The following DNAAF9 variants were observed in gnomAD, a reference collection of about 807,000 sequenced individuals.
The protein encoded by DNAAF9 is shulin.
A neutral mutation model predicts 167.0 loss-of-function variants in DNAAF9; 90 were observed. The ratio of observed to expected loss-of-function variants is 0.54; its 90% CI spans 0.45 to 0.64. The LOEUF is 0.64. Among genes scored for constraint, DNAAF9 ranks in the 30% least tolerant of loss-of-function variants. The probability of loss-of-function intolerance (pLI) is 0.00; values close to 1 mark genes in which losing one functional copy is unlikely to be tolerated. For synonymous variants in DNAAF9, 491 were observed against 508.8 expected, an observed-to-expected ratio of 0.96 and a Z score of 0.47; for missense variants, 1,315 against 1,442.2, an observed-to-expected ratio of 0.91 and a Z score of 1.43.
chr20:3,340,435 C>CA, intron 10 of DNAAF9, 69 bp downstream of exon 10: 4 of 212,120 alleles, frequency 1.9e-5, no homozygotes, highest in South Asian at 1.3e-4. Context: ...TGTCTAGCTC[C>CA]CCCCACCCAC....
At chr20:3,301,369 G>T (rs1402606866) in intron 21 of DNAAF9, among the ~76,000 whole-genome samples, 1 of 152,034 alleles carries the variant, frequency 6.6e-6, no homozygotes, top group Non-Finnish European at 1.5e-5. Flanking sequence ...TGTATTTTTA[G>T]TAGAGACGGC....
rs1568556156 is a variant in DNAAF9, at chr20:3,251,583, G to A, written c.*989C>T. 6.6e-6 allele frequency: 1 copy of A among 152,252 alleles called. No homozygotes were observed. Among genetic ancestry groups the A allele is most frequent in the Non-Finnish European group, 1.5e-5 (1 of 68,076 alleles). 9.4% of individuals were successfully genotyped at this position (152,252 alleles called of 1,614,324 possible). ...ATTATTTGAAATTCCCAATCCTCAG[G>A]AGCCACACAAGCCCAGGGCCAGCAA... On this transcript the variant is annotated 3_prime_UTR_variant, in exon 37 of 37. Coordinates refer to ENST00000252032, the MANE Select transcript of DNAAF9 (RefSeq NM_001009984.3).
intron 1 of DNAAF9, among the ~76,000 whole-genome samples, chr20:3,385,433 T>G (rs2083719267): frequency 6.6e-6 from 1 of 152,154 alleles, no homozygotes; most frequent in Non-Finnish European, 1.5e-5. Flanking sequence ...AATTTTTTTT[T>G]TAGACACAGG....
chr20:3,348,035 A>G (rs1393977712), intron 8 of DNAAF9, among the ~76,000 whole-genome samples: 1 of 152,212 alleles, frequency 6.6e-6, no homozygotes, highest in African/African-American at 2.4e-5. Flanking sequence ...TGAGTGCCCA[A>G]GAAGGCTAGA....
intron 1 of DNAAF9, among the ~76,000 whole-genome samples, chr20:3,395,278 TTC>T (rs1033342523): frequency 1.1e-4 from 17 of 150,070 alleles, no homozygotes; most frequent in South Asian, 4.2e-4. Flanking sequence ...GCCGAACATT[TTC>T]TTTTTTCTTT....
At chr20:3,345,748 C>A (rs754963053) in intron 8 of DNAAF9, among the ~76,000 whole-genome samples, 5 of 151,848 alleles carry the variant, frequency 3.3e-5, no homozygotes, top group Non-Finnish European at 7.4e-5. Flanking sequence ...AAGAAAAAAA[C>A]CCATTATAAA....
intron 9 of DNAAF9, among the ~76,000 whole-genome samples, chr20:3,341,961 T>C (rs992497080): frequency 6.6e-6 from 1 of 152,126 alleles, no homozygotes; most frequent in Non-Finnish European, 1.5e-5. Flanking sequence ...GTATTTTTAG[T>C]GGAGATGGGG....
intron 9 of DNAAF9, among the ~76,000 whole-genome samples, chr20:3,342,763 TG>T (rs1050942727): frequency 4.7e-4 from 71 of 152,088 alleles, no homozygotes; most frequent in Non-Finnish European, 9.6e-4. Context: ...GGATTGGAAT[TG>T]GGGGAAGAAA....
chr20:3,251,458 A>G lies in DNAAF9; in HGVS notation c.*1114T>C, dbSNP rs993106726. On this transcript the variant is annotated 3_prime_UTR_variant, in exon 37 of 37. Coordinates refer to ENST00000252032, the MANE Select transcript of DNAAF9 (RefSeq NM_001009984.3). ...TGTGACTCCCCTGTCCCCCACACCA[A>G]TTATGAAGGTCAGGCATGGGACACA... 6 of 152,336 alleles carry G rather than the reference A, an allele frequency of 3.9e-5. No homozygotes were observed. Among genetic ancestry groups the G allele is most frequent in the African/African-American group, 1.4e-4 (6 of 41,572 alleles). 9.4% of individuals were successfully genotyped at this position (152,336 alleles called of 1,614,324 possible).
At position 3,340,434 on chromosome 20, in the gene DNAAF9, C is replaced by CCCCA; in HGVS notation, c.981+69_981+70insTGGG. ...TGGAAAAGGTTCTTTTTGTCTAGCT[C>CCCCA]CCCCCACCCACCCCACCCCCACAAC... is the stretch of plus-strand genomic sequence containing the variant. On this transcript the variant is annotated intron_variant, in intron 10 of 36. Transcript: ENST00000252032. 2 of 184,748 alleles carry CCCCA rather than the reference C, an allele frequency of 1.1e-5. 1 individual carries two copies. The highest frequency in any genetic ancestry group is 2.3e-4 in the South Asian group (2 of 8,766). 11.4% of individuals were successfully genotyped at this position (184,748 alleles called of 1,614,324 possible). A position where few individuals can be genotyped will look rare whatever the true frequency, so the allele number is the denominator to read the frequency against.
chr20:3,379,360 C>T (rs904518337), intron 3 of DNAAF9, among the ~76,000 whole-genome samples: 12 of 149,912 alleles, frequency 8.0e-5, no homozygotes, highest in Admixed American at 4.0e-4. Context: ...GCCTATAATC[C>T]CAACACTGTG....
intron 14 of DNAAF9, 77 bp from the exon 15 acceptor site, chr20:3,322,773 G>T: frequency 2.0e-6 from 2 of 995,936 alleles, no homozygotes; most frequent in Non-Finnish European, 1.6e-6. Context: ...TACCTGCTTG[G>T]GATTCTCAAG....
chr20:3,387,103 T>G lies in DNAAF9; in HGVS notation c.84-4597A>C, dbSNP rs1007125599. ...AATGTTACCCAAAGCAATCTACACATTCAGTGTAATCCCTTCTCAAATCCC... is the reference window on the plus strand; with the variant it reads ...AATGTTACCCAAAGCAATCTACACAGTCAGTGTAATCCCTTCTCAAATCCC... On this transcript the variant is annotated intron_variant, in intron 1 of 36. Coordinates refer to ENST00000252032, the MANE Select transcript of DNAAF9 (RefSeq NM_001009984.3). Among the ~76,000 whole-genome samples, 13 of 152,340 alleles carry G rather than the reference T, an allele frequency of 8.5e-5. 1 individual carries two copies. The highest frequency in any genetic ancestry group is 2.9e-4 in the African/African-American group (12 of 41,578).
intron 34 of DNAAF9, among the ~76,000 whole-genome samples, chr20:3,255,617 G>A (rs962011778): frequency 6.6e-6 from 1 of 152,136 alleles, no homozygotes. Context: ...GTCAAGAACC[G>A]TTTAGAAGCT....
In DNAAF9 at chr20:3,333,593, T is replaced by G. The variant is rs533165062; in HGVS notation, c.982-1232A>C. Among the ~76,000 whole-genome samples, 18 of 152,346 alleles carry G rather than the reference T, an allele frequency of 1.2e-4. No individual in the cohort carries two copies. In the East Asian group the frequency reaches 3.3e-3, roughly 28 times the overall value. On this transcript the variant is annotated intron_variant, in intron 10 of 36. Transcript: ENST00000252032. ...TCATCAATATTGCCATGACAATGAA[T>G]GAAAACTCATGGAGGTATTTCTAAT...
At chr20:3,362,338 C>A in intron 6 of DNAAF9, 1 of 709,256 alleles carries the variant, frequency 1.4e-6, no homozygotes, top group South Asian at 1.9e-5. Context: ...GCACTGCTGT[C>A]GCTTGAAGCG....
intron 1 of DNAAF9, among the ~76,000 whole-genome samples, chr20:3,385,260 A>G (rs552081416): frequency 7.9e-5 from 12 of 152,226 alleles, no homozygotes; most frequent in South Asian, 6.2e-4. Context: ...ACATAGACTG[A>G]AAAGACAGAA....
At chr20:3,266,391 C>T (rs567828704) in intron 30 of DNAAF9, among the ~76,000 whole-genome samples, 2 of 152,294 alleles carry the variant, frequency 1.3e-5, no homozygotes, top group East Asian at 1.9e-4. Flanking sequence ...TCACCTAGTG[C>T]TTTTAGCATT....
chr20:3,294,689 A>G, intron 23 of DNAAF9, 60 bp from the exon 24 acceptor site: 1 of 1,089,010 alleles, frequency 9.2e-7, no homozygotes, highest in Admixed American at 1.8e-5. Context: ...TACACTTTAC[A>G]CAACTGGGCC....
Sources: gnomAD v4.1 joint callset for allele counts (sites outside exome capture counted in the v4.1 genomes callset) on GRCh38, gnomAD v4.1.1 for gene constraint, MANE v1.5 for transcripts, NCBI Gene and HGNC (gene_info 2026-07-23, HGNC 2026-07-21) for gene names.